POLQ: variants seen among roughly 807,000 people sequenced by gnomAD.
POLQ encodes epididymis secretory sperm binding protein.
In POLQ, 233 loss-of-function variants were observed where a neutral mutation model predicts 259.2. The ratio of observed to expected loss-of-function variants is 0.90; its 90% confidence interval spans 0.81 to 1.00. The LOEUF is 1.00. POLQ is among the 50% of genes least tolerant of loss of function. The pLI is 0.00. For missense variants in POLQ, 2,871 were observed against 3,051.6 expected (o/e 0.94, Z 1.39); for synonymous variants, 1,025 against 1,048.8 (o/e 0.98, Z 0.44).
chr3:121,469,019 C>T (rs1483435126), intron 22 of POLQ, among the ~76,000 whole-genome samples: 1 of 151,944 alleles, frequency 6.6e-6, no homozygotes, highest in Admixed American at 6.6e-5. Flanking sequence ...AACCCCGTCT[C>T]CACTAAAAAC....
In POLQ at chr3:121,489,766, G is replaced by T; in HGVS notation, c.3165C>A (p.Ser1055Arg). 6.2e-7 allele frequency: 1 copy of T among 1,612,184 alleles called. No individual in the cohort carries two copies. The highest frequency in any genetic ancestry group is 8.5e-7 in the Non-Finnish European group (1 of 1,179,752). The change falls in exon 16 of 30, where the codon AGC becomes AGA. Residue 1055 changes from serine to arginine, a missense_variant. This residue lies in a region of POLQ where 2,080 missense variants were observed against 2,126.0 expected (regional missense o/e 0.98). Coordinates refer to ENST00000264233, the MANE Select transcript of POLQ (RefSeq NM_199420.4). ...RKHLKRSRDS[S>R]PLKDSGACRI... is the part of the protein sequence containing the mutation. ...TACACGCTCCAGAGTCTTTCAGGGG[G>T]CTGCTGTCCCTAGATCGCTTTAGAT...
rs185641811 is a variant in POLQ, at chr3:121,504,299, G to C, written c.1959+5262C>G. ...AATGCCAACAAATTAGATAATCTAC[G>C]TGGACTATTTTCTGGAAATACACAA... On this transcript the variant is annotated intron_variant, in intron 12 of 29. Coordinates refer to ENST00000264233, the MANE Select transcript of POLQ (RefSeq NM_199420.4). Among the ~76,000 whole-genome samples, 553 of 152,198 alleles carry C rather than the reference G, an allele frequency of 3.6e-3. 2 individuals carry two copies. The highest frequency in any genetic ancestry group is 0.013 in the African/African-American group (527 of 41,530).
At chr3:121,491,844 G>C (rs1484193807) in intron 15 of POLQ, among the ~76,000 whole-genome samples, 1 of 151,970 alleles carries the variant, frequency 6.6e-6, no homozygotes, top group Non-Finnish European at 1.5e-5. Flanking sequence ...GTTAGGAACT[G>C]GGCCGCACAG....
chr3:121,472,060 C>A lies in POLQ; in HGVS notation c.6648G>T (p.Arg2216=). The A allele has an allele frequency of 6.3e-7, 1 of 1,589,002 alleles. No individual in the cohort carries two copies. Among genetic ancestry groups the A allele is most frequent in the Non-Finnish European group, 8.6e-7 (1 of 1,161,722 alleles). ...CAAGAAAAGGATTAAGACACTTTTC[C>A]CGCTGAAGGGGAAAGACCACTTTGG... ...AITKVVFPLQ[R]EKCLNPFLGM... The change falls in exon 22 of 30, where the codon CGG becomes CGT. Residue 2216 remains arginine (R), a synonymous_variant. Transcript: ENST00000264233.
At chr3:121,466,161 C>T (rs1267366142) in intron 24 of POLQ, among the ~76,000 whole-genome samples, 1 of 151,898 alleles carries the variant, frequency 6.6e-6, no homozygotes, top group Non-Finnish European at 1.5e-5. Flanking sequence ...CCAGCCACAA[C>T]ATTCTCTTAA....
Position 121,432,108 on chromosome 3 carries a change from T to TC in POLQ, c.*195dup. ...TAACTATTATACTTGGTATTCTACT[T>TC]CCCCCACGCCCCCAGAAGTTTTTGA... On this transcript the variant is annotated 3_prime_UTR_variant, in exon 30 of 30. Transcript: ENST00000264233. 2.2e-6 allele frequency: 1 copy of TC among 464,004 alleles called. No individual in the cohort carries two copies. Among genetic ancestry groups the TC allele is most frequent in the Non-Finnish European group, 3.7e-6 (1 of 269,240 alleles). The allele number at this position is 464,004 out of a possible 1,614,324, so 28.7% of individuals were successfully genotyped here.
intron 24 of POLQ, among the ~76,000 whole-genome samples, chr3:121,461,181 A>T (rs566968051): frequency 2.6e-4 from 40 of 152,312 alleles, no homozygotes; most frequent in African/African-American, 9.6e-4. Flanking sequence ...TGTTACTGAG[A>T]AGTAAAATGG....
chr3:121,502,926 T>C (rs548882115), intron 12 of POLQ, among the ~76,000 whole-genome samples: 5 of 151,902 alleles, frequency 3.3e-5, no homozygotes, highest in African/African-American at 1.2e-4. Context: ...GATAAACCCT[T>C]GAGTAAACAC....
Position 121,544,743 on chromosome 3 carries a change from C to A in POLQ, c.327G>T (p.Lys109Asn), listed in dbSNP as rs142782936. ...TTTGGATACCTGAATAAACTAAATT[C>A]TTTCCTTCCAGGACTTGTCCAAGCA... ...CLLLGQVLEG[K>N]NLVYSAPTSA... The change falls in exon 2 of 30, where the codon AAG becomes AAT. Residue 109 changes from lysine to asparagine, a missense_variant. By Grantham distance (94) the Lys-to-Asn change is moderately conservative (BLOSUM62 0). Coordinates refer to ENST00000264233, the MANE Select transcript of POLQ (RefSeq NM_199420.4). 9.6e-5 allele frequency: 155 copies of A among 1,609,448 alleles called. 1 individual carries two copies. The African/African-American group carries it at 1.9e-3, about 19-fold the overall frequency.
chr3:121,530,622 T>TGGG (rs2048404548), intron 6 of POLQ, among the ~76,000 whole-genome samples: 2 of 152,102 alleles, frequency 1.3e-5, no homozygotes, highest in African/African-American at 4.8e-5. Context: ...TGGGGAAACA[T>TGGG]TATCTCAAAG....
At chr3:121,432,727 C>T (rs1576395025) in intron 29 of POLQ, among the ~76,000 whole-genome samples, 191 bp downstream of exon 29, 1 of 152,150 alleles carries the variant, frequency 6.6e-6, no homozygotes, top group Non-Finnish European at 1.5e-5. Flanking sequence ...GGCAATTCTT[C>T]ACTTATTAAG....
intron 20 of POLQ, among the ~76,000 whole-genome samples, chr3:121,475,933 G>C (rs1040620022): frequency 4.0e-5 from 6 of 151,144 alleles, no homozygotes; most frequent in Non-Finnish European, 7.4e-5. Context: ...GATTTGAAAA[G>C]CAGATACCAA....
At chr3:121,495,163 C>T (rs751773216) in intron 14 of POLQ, among the ~76,000 whole-genome samples, 3 of 151,922 alleles carry the variant, frequency 2.0e-5, no homozygotes, top group South Asian at 4.2e-4. Flanking sequence ...CCCAGTTCCT[C>T]GGGAGGCTGA....
At chr3:121,442,953 G>T (rs1173308197) in intron 26 of POLQ, among the ~76,000 whole-genome samples, 2 of 152,004 alleles carry the variant, frequency 1.3e-5, no homozygotes, top group Non-Finnish European at 2.9e-5. Flanking sequence ...TCTGCCTCCC[G>T]GTTCAAGCAA....
intron 4 of POLQ, among the ~76,000 whole-genome samples, chr3:121,538,387 A>G (rs1226365107): frequency 6.6e-6 from 1 of 152,098 alleles, no homozygotes; most frequent in Non-Finnish European, 1.5e-5. Context: ...CATTTTCATA[A>G]CAACATAGTT....
At chr3:121,505,686 T>C (rs2048203197) in intron 12 of POLQ, among the ~76,000 whole-genome samples, 1 of 151,978 alleles carries the variant, frequency 6.6e-6, no homozygotes, top group Non-Finnish European at 1.5e-5. Flanking sequence ...AACCATGTAC[T>C]AGAATACACT....
chr3:121,494,963 CAA>C (rs35833957), intron 14 of POLQ: 2,709 of 532,572 alleles, frequency 5.1e-3, no homozygotes, highest in Middle Eastern at 5.9e-3. Flanking sequence ...TACAAATTTT[CAA>C]AAAAAAAAAA....
intron 16 of POLQ, among the ~76,000 whole-genome samples, chr3:121,485,857 C>T (rs1473269883): frequency 6.6e-6 from 1 of 152,322 alleles, no homozygotes; most frequent in Admixed American, 6.5e-5. Context: ...GTGGTTAACA[C>T]ATCTGCTTCA....
chr3:121,465,214 C>T (rs1247245041), intron 24 of POLQ, among the ~76,000 whole-genome samples: 2 of 151,744 alleles, frequency 1.3e-5, no homozygotes, highest in African/African-American at 4.8e-5. Flanking sequence ...ACCACAGCGT[C>T]CTGAGTAGCT....
Sources: allele counts gnomAD v4.1 joint callset (sites outside exome capture counted in the v4.1 genomes callset), GRCh38; gene constraint gnomAD v4.1.1; regional missense constraint gnomAD v4.1.1; transcripts MANE v1.5; gene names NCBI Gene and HGNC (gene_info 2026-07-23, HGNC 2026-07-21).